The following KCNT2 variants were observed in gnomAD, a reference collection of about 807,000 sequenced individuals.
KCNT2 encodes potassium channel subfamily T member 2.
A neutral mutation model predicts 153.8 loss-of-function variants in KCNT2; 67 were observed. That is an observed-to-expected ratio of 0.44 (90% CI 0.36 to 0.53). KCNT2 has a LOEUF of 0.53. KCNT2 is among the 20% of genes least tolerant of loss of function. The pLI is 0.00. For synonymous variants in KCNT2, 500 were observed against 458.8 expected (o/e 1.09, Z -1.15); for missense variants, 975 against 1,354.8 (o/e 0.72, Z 4.40).
Position 196,549,360 on chromosome 1 carries a change from C to A in KCNT2, c.96-57019G>T, listed in dbSNP as rs914587474. Among the ~76,000 whole-genome samples, 8 of 151,714 alleles carry A rather than the reference C, an allele frequency of 5.3e-5. No individual in the cohort carries two copies. In the East Asian group the frequency reaches 1.6e-3, roughly 30 times the overall value. ...CAGAATTATTTTACAGATAATAGGC[C>A]CCCCCACACTAGAGAGTGAGAAGAA... On this transcript the variant is annotated intron_variant, in intron 1 of 27. Coordinates refer to ENST00000294725, the MANE Select transcript of KCNT2 (RefSeq NM_198503.5).
chr1:196,530,695 C>A (rs770867449), intron 1 of KCNT2, among the ~76,000 whole-genome samples: 5 of 152,044 alleles, frequency 3.3e-5, no homozygotes, highest in African/African-American at 7.2e-5. Context: ...TGATCACATA[C>A]TGCATATGTA....
chr1:196,528,615 CT>C (rs1484478684), intron 1 of KCNT2, among the ~76,000 whole-genome samples: 1 of 152,060 alleles, frequency 6.6e-6, no homozygotes, highest in African/African-American at 2.4e-5. Context: ...AAAAAGAAGC[CT>C]TTTAGTTTTA....
chr1:196,348,462 A>T, intron 14 of KCNT2, among the ~76,000 whole-genome samples: 1 of 152,152 alleles, frequency 6.6e-6, no homozygotes, highest in East Asian at 1.9e-4. Context: ...GTTAACCTTG[A>T]GGTACACTCC....
At chr1:196,445,947 C>T (rs1675653012) in intron 8 of KCNT2, among the ~76,000 whole-genome samples, 1 of 151,172 alleles carries the variant, frequency 6.6e-6, no homozygotes, top group South Asian at 2.1e-4. Context: ...TTTTCCTGAT[C>T]AATGATATTT....
rs1053018785 is a variant in KCNT2, at chr1:196,453,366, T to G, written c.638+11927A>C. On this transcript the variant is annotated intron_variant, in intron 8 of 27. Coordinates refer to ENST00000294725, the MANE Select transcript of KCNT2 (RefSeq NM_198503.5). Reference sequence around the variant, plus strand: ...TCCTTGGATCTCCAAAGTCAGTGATTGTGTGGCTTGTAAATTCTTGTAAGG... The same window carrying G: ...TCCTTGGATCTCCAAAGTCAGTGATGGTGTGGCTTGTAAATTCTTGTAAGG... Among the ~76,000 whole-genome samples the G allele has an allele frequency of 3.3e-5, 5 of 151,900 alleles. No individual in the cohort carries two copies. In the East Asian group the frequency reaches 7.8e-4, roughly 24 times the overall value.
At chr1:196,329,879 ATGTGTGTG>A (rs57881763) in intron 18 of KCNT2, among the ~76,000 whole-genome samples, 4 of 124,788 alleles carry the variant, frequency 3.2e-5, no homozygotes, top group South Asian at 2.5e-4. Flanking sequence ...ATACACTTAT[ATGTGTGTG>A]TGTGTGTGTG....
intron 3 of KCNT2, among the ~76,000 whole-genome samples, chr1:196,485,865 G>A (rs1679379186): frequency 6.6e-6 from 1 of 151,722 alleles, no homozygotes; most frequent in Non-Finnish European, 1.5e-5. Flanking sequence ...TCCAAAATGA[G>A]GAGTGAAACC....
chr1:196,338,707 G>A (rs1354708653), intron 16 of KCNT2, among the ~76,000 whole-genome samples: 1 of 151,882 alleles, frequency 6.6e-6, no homozygotes, highest in Admixed American at 6.6e-5. Context: ...AGAGTGGCAA[G>A]GCTGGAGGCA....
chr1:196,464,962 G>A (rs1054232744), intron 8 of KCNT2, among the ~76,000 whole-genome samples: 12 of 151,960 alleles, frequency 7.9e-5, no homozygotes, highest in Admixed American at 5.3e-4. Flanking sequence ...AAAGATGAGG[G>A]CACTTCTGTA....
At chr1:196,330,135 C>T (rs1212585949) in intron 18 of KCNT2, among the ~76,000 whole-genome samples, 1 of 150,298 alleles carries the variant, frequency 6.7e-6, no homozygotes, top group South Asian at 2.1e-4. Context: ...ATTCTCAAAG[C>T]AACTTCAGGG....
At chr1:196,453,660 T>C (rs969765967) in intron 8 of KCNT2, among the ~76,000 whole-genome samples, 1 of 152,006 alleles carries the variant, frequency 6.6e-6, no homozygotes, top group Non-Finnish European at 1.5e-5. Context: ...TCTTAGATCA[T>C]GCCACATCCA....
chr1:196,321,688 C>T (rs148613023), intron 19 of KCNT2, among the ~76,000 whole-genome samples: 434 of 151,866 alleles, frequency 2.9e-3, no homozygotes, highest in African/African-American at 9.3e-3. Context: ...ATATATAATC[C>T]TGATGAAGGA....
intron 1 of KCNT2, among the ~76,000 whole-genome samples, chr1:196,528,683 G>C (rs1401794609): frequency 1.3e-5 from 2 of 152,026 alleles, no homozygotes; most frequent in Admixed American, 1.3e-4. Context: ...CTTCTTGCTG[G>C]CTTATGACTG....
chr1:196,487,602 T>C (rs572140710), intron 3 of KCNT2, among the ~76,000 whole-genome samples: 1 of 152,100 alleles, frequency 6.6e-6, no homozygotes, highest in African/African-American at 2.4e-5. Context: ...ATCTAAAAAA[T>C]AATCAATATA....
At chr1:196,316,633 G>C (rs111988729) in intron 20 of KCNT2, among the ~76,000 whole-genome samples, 1,647 of 151,682 alleles carry the variant, frequency 0.011, 19 homozygotes, top group Non-Finnish European at 0.015. Flanking sequence ...AAGTTTTTGA[G>C]CAAGTGATTG....
chr1:196,421,316 T>C (rs1454810841), intron 12 of KCNT2, among the ~76,000 whole-genome samples: 1 of 151,948 alleles, frequency 6.6e-6, no homozygotes, highest in African/African-American at 2.4e-5. Context: ...CTCTAGAAGG[T>C]ATTATGTATT....
intron 12 of KCNT2, among the ~76,000 whole-genome samples, chr1:196,409,676 C>G (rs1348997865): frequency 2.6e-5 from 4 of 151,486 alleles, no homozygotes; most frequent in African/African-American, 9.7e-5. Flanking sequence ...CAGTATAAAC[C>G]AAATTTCCTT....
chr1:196,280,427 T>C (rs1658985757), intron 25 of KCNT2, among the ~76,000 whole-genome samples: 1 of 152,212 alleles, frequency 6.6e-6, no homozygotes, highest in Non-Finnish European at 1.5e-5. Context: ...ATGTGAATTT[T>C]AACACTTACT....
At chr1:196,250,213 A>T (rs1655833773) in intron 26 of KCNT2, among the ~76,000 whole-genome samples, 1 of 152,198 alleles carries the variant, frequency 6.6e-6, no homozygotes, top group African/African-American at 2.4e-5. Flanking sequence ...GAGCTAAAGT[A>T]ACTAAAGCAG....
Sources: allele counts gnomAD v4.1 joint callset (sites outside exome capture counted in the v4.1 genomes callset), GRCh38; gene constraint gnomAD v4.1.1; transcripts MANE v1.5; gene names NCBI Gene and HGNC (gene_info 2026-07-23, HGNC 2026-07-21).